AKAP19: variants seen among roughly 807,000 people sequenced by gnomAD.
The protein encoded by AKAP19 is A-kinase anchoring protein 19, also known as small A-kinase anchoring protein.
the AKAP19 span, among the ~76,000 whole-genome samples, chr2:190,158,063 T>C: frequency 2.0e-5 from 3 of 152,224 alleles, no homozygotes; most frequent in African/African-American, 4.8e-5. Flanking sequence ...AAGAACATTG[T>C]GAAACTCCCT....
chr2:189,921,378 A>C, the AKAP19 span, among the ~76,000 whole-genome samples: 2 of 152,232 alleles, frequency 1.3e-5, no homozygotes, highest in Admixed American at 6.5e-5. Flanking sequence ...AGGTCAAATA[A>C]GATGAAGACA....
chr2:190,031,586 A>C, the AKAP19 span, among the ~76,000 whole-genome samples: 1 of 152,150 alleles, frequency 6.6e-6, no homozygotes, highest in Non-Finnish European at 1.5e-5. Flanking sequence ...TAATTAATGA[A>C]GAATTGCTGG....
chr2:189,907,612 G>A, the AKAP19 span, among the ~76,000 whole-genome samples: 1 of 151,878 alleles, frequency 6.6e-6, no homozygotes, highest in Non-Finnish European at 1.5e-5. Context: ...ATTTTTTTTA[G>A]TTATTGCTGA....
At chr2:189,957,566 A>T in the AKAP19 span, among the ~76,000 whole-genome samples, 4 of 152,292 alleles carry the variant, frequency 2.6e-5, no homozygotes, top group African/African-American at 9.6e-5. Context: ...TCTCAACCAC[A>T]ATTTTTCATA....
chr2:189,957,600 AGAT>A, the AKAP19 span, among the ~76,000 whole-genome samples: 2 of 152,236 alleles, frequency 1.3e-5, no homozygotes, highest in African/African-American at 4.8e-5. Context: ...TTAAATAAGA[AGAT>A]ATTATTATAT....
At chr2:190,065,165 T>C in the AKAP19 span, among the ~76,000 whole-genome samples, 22 of 152,230 alleles carry the variant, frequency 1.4e-4, no homozygotes, top group African/African-American at 5.3e-4. Context: ...TTATTGCTCC[T>C]CTTATTGATT....
the AKAP19 span, among the ~76,000 whole-genome samples, chr2:190,152,257 A>G: frequency 2.0e-4 from 31 of 152,138 alleles, no homozygotes; most frequent in African/African-American, 7.5e-4. Context: ...TTATCATTTC[A>G]TTTCTTTACA....
At chr2:189,969,486 C>G in the AKAP19 span, among the ~76,000 whole-genome samples, 2 of 151,980 alleles carry the variant, frequency 1.3e-5, no homozygotes, top group African/African-American at 2.4e-5. Context: ...GATAAAATTT[C>G]TTGGGAGGCT....
At chr2:190,059,776 A>G in the AKAP19 span, among the ~76,000 whole-genome samples, 8 of 151,966 alleles carry the variant, frequency 5.3e-5, no homozygotes, top group African/African-American at 1.4e-4. Flanking sequence ...ATTAATGAAA[A>G]GCACTTTATA....
the AKAP19 span, among the ~76,000 whole-genome samples, chr2:190,126,765 A>T: frequency 6.6e-6 from 1 of 152,198 alleles, no homozygotes; most frequent in African/African-American, 2.4e-5. Context: ...GACAGGAAAA[A>T]GTAAAAAAAA....
At chr2:190,097,772 C>T in the AKAP19 span, among the ~76,000 whole-genome samples, 3,460 of 144,680 alleles carry the variant, frequency 0.024, 59 homozygotes, top group Non-Finnish European at 0.034. Context: ...CCTGTAATCC[C>T]AGCACTTTGG....
At chr2:189,985,243 T>C in the AKAP19 span, among the ~76,000 whole-genome samples, 1 of 152,218 alleles carries the variant, frequency 6.6e-6, no homozygotes, top group Non-Finnish European at 1.5e-5. Flanking sequence ...GTTCCCTCAG[T>C]TTTCCATACA....
At chr2:190,141,207 C>G in the AKAP19 span, among the ~76,000 whole-genome samples, 3 of 152,210 alleles carry the variant, frequency 2.0e-5, no homozygotes, top group African/African-American at 7.2e-5. Flanking sequence ...CCTCCCAAGT[C>G]TCTGGGAAGC....
chr2:190,146,437 T>C, the AKAP19 span, among the ~76,000 whole-genome samples: 5 of 152,244 alleles, frequency 3.3e-5, no homozygotes, highest in Non-Finnish European at 5.9e-5. Flanking sequence ...AATTTTGCTA[T>C]TGTGAATTGT....
the AKAP19 span, among the ~76,000 whole-genome samples, chr2:189,891,696 AATG>A: frequency 6.6e-6 from 1 of 151,830 alleles, no homozygotes; most frequent in African/African-American, 2.4e-5. Flanking sequence ...TGGTGAATCT[AATG>A]ATTATGTGTC....
the AKAP19 span, among the ~76,000 whole-genome samples, chr2:190,134,929 G>C: frequency 6.6e-6 from 1 of 151,832 alleles, no homozygotes; most frequent in South Asian, 2.1e-4. Context: ...CCTATAAGTA[G>C]AATAATTGAT....
the AKAP19 span, among the ~76,000 whole-genome samples, chr2:190,004,821 T>G: frequency 1.3e-5 from 2 of 152,094 alleles, no homozygotes; most frequent in Non-Finnish European, 2.9e-5. Context: ...CCATTTTAAT[T>G]GGATGTTCAG....
the AKAP19 span, among the ~76,000 whole-genome samples, chr2:189,888,840 A>C: frequency 1.3e-5 from 2 of 152,212 alleles, no homozygotes; most frequent in Admixed American, 1.3e-4. Flanking sequence ...GGAGATTTTG[A>C]GCTGAGATGA....
At chr2:190,200,203 C>CA in the AKAP19 span, 1 of 1,463,648 alleles carries the variant, frequency 6.8e-7, no homozygotes, top group South Asian at 1.2e-5. Context: ...ATAAATGTGA[C>CA]AAAAGCAAAA....
Sources: gnomAD v4.1 joint callset for allele counts (sites outside exome capture counted in the v4.1 genomes callset) on GRCh38, gnomAD v4.1.1 for gene constraint, MANE v1.5 for transcripts, NCBI Gene and HGNC (gene_info 2026-07-23, HGNC 2026-07-21) for gene names.